PALS1: variants seen among roughly 807,000 people sequenced by gnomAD.
PALS1 encodes protein associated with LIN7 1, MAGUK p55 family member, also known as protein PALS1.
In PALS1, 31 loss-of-function variants were observed where a neutral mutation model predicts 78.9. The ratio of observed to expected loss-of-function variants is 0.39; its 90% CI spans 0.30 to 0.53. PALS1 has a LOEUF of 0.53. Among genes scored for constraint, PALS1 ranks in the 20% least tolerant of loss-of-function variants. PALS1 has a pLI of 0.67. For missense variants in PALS1, 704 were observed against 826.5 expected (o/e 0.85, Z 1.82); for synonymous variants, 276 against 270.9 (o/e 1.02, Z -0.18).
chr14:67,270,145 G>C (rs987542079), intron 2 of PALS1: 1 of 152,118 alleles, frequency 6.6e-6, no homozygotes, highest in Non-Finnish European at 1.5e-5. Flanking sequence ...ACCCTTTTCA[G>C]TGGGTCTGTA....
intron 3 of PALS1, among the ~76,000 whole-genome samples, chr14:67,286,352 C>G (rs1462096067): frequency 1.3e-5 from 2 of 152,154 alleles, no homozygotes; most frequent in African/African-American, 4.8e-5. Context: ...AATTTCTTCT[C>G]TCTGTCCTCT....
intron 2 of PALS1, among the ~76,000 whole-genome samples, chr14:67,277,588 T>C (rs956440460): frequency 5.3e-5 from 8 of 152,104 alleles, no homozygotes; most frequent in Non-Finnish European, 4.4e-5. Flanking sequence ...GTAAATATTA[T>C]TGCTCTTGAG....
In PALS1 at chr14:67,312,536, A is replaced by G; in HGVS notation, c.1051A>G (p.Lys351Glu). ...CCTTTTTATCTTTTAGATCCATGTA[A>G]AAGCTCATTTTGACTATGACCCCTC... ...PPAKETVIHVKAHFDYDPSDD... is the reference protein window; with the variant it reads ...PPAKETVIHVEAHFDYDPSDD... The change falls in exon 9 of 15, where the codon AAA (lysine) becomes GAA (glutamate). Residue 351 changes from lysine to glutamate, a missense_variant. Transcript: ENST00000261681. The G allele has an allele frequency of 1.3e-6, 2 of 1,579,916 alleles. No individual in the cohort carries two copies. The highest frequency in any genetic ancestry group is 1.7e-6 in the Non-Finnish European group (2 of 1,162,008).
rs374329692 is a variant in PALS1 at position 67,296,585 on chromosome 14, C to CAAAA, written c.576+3891_576+3894dup. ...TGGGCAACAGAGTGAAACTCTGTCT[C>CAAAA]AAAAAAAAAAAAAAAAAAAAAAAAA... On this transcript the variant is annotated intron_variant, in intron 4 of 14. Coordinates refer to ENST00000261681, the MANE Select transcript of PALS1 (RefSeq NM_022474.4). Among the ~76,000 whole-genome samples, 181 of 51,000 alleles carry CAAAA rather than the reference C, an allele frequency of 3.5e-3. 9 individuals are homozygous for CAAAA. The highest frequency in any genetic ancestry group is 5.3e-3 in the Non-Finnish European group (81 of 15,396). 33.5% of individuals were successfully genotyped at this position (51,000 alleles called of 152,430 possible). A position where few individuals can be genotyped will look rare whatever the true frequency, so the allele number is the denominator to read the frequency against.
At chr14:67,324,439 A>G (rs570666209) in intron 14 of PALS1, among the ~76,000 whole-genome samples, 16 of 152,192 alleles carry the variant, frequency 1.1e-4, no homozygotes, top group African/African-American at 3.6e-4. Flanking sequence ...TTTTTGCTCC[A>G]TATTTATTAA....
At chr14:67,291,647 C>T (rs554996431) in intron 3 of PALS1, among the ~76,000 whole-genome samples, 59 of 152,286 alleles carry the variant, frequency 3.9e-4, no homozygotes, top group Non-Finnish European at 7.5e-4. Flanking sequence ...TATTTATGCA[C>T]ACTAACAGGC....
At chr14:67,266,813 A>G (rs2084333233) in intron 1 of PALS1, among the ~76,000 whole-genome samples, 1 of 152,146 alleles carries the variant, frequency 6.6e-6, no homozygotes, top group African/African-American at 2.4e-5. Flanking sequence ...ATCTTTTAAA[A>G]AAACTTCGTT....
chr14:67,305,527 C>T (rs1232135244), intron 8 of PALS1, among the ~76,000 whole-genome samples: 3 of 152,188 alleles, frequency 2.0e-5, no homozygotes, highest in Admixed American at 6.5e-5. Context: ...GTGGTCCACC[C>T]GCCTCGGCCT....
At chr14:67,276,111 A>G (rs1358052979) in intron 2 of PALS1, among the ~76,000 whole-genome samples, 1 of 152,110 alleles carries the variant, frequency 6.6e-6, no homozygotes. Flanking sequence ...TTGTGTCTCT[A>G]TCCAATAGGA....
chr14:67,252,591 T>C (rs1054118328), intron 1 of PALS1, among the ~76,000 whole-genome samples: 4 of 152,126 alleles, frequency 2.6e-5, no homozygotes, highest in Non-Finnish European at 4.4e-5. Context: ...AGCCATTAGC[T>C]TGTGGGATCT....
At chr14:67,273,470 G>T (rs905095164) in intron 2 of PALS1, among the ~76,000 whole-genome samples, 14 of 152,142 alleles carry the variant, frequency 9.2e-5, no homozygotes, top group Non-Finnish European at 1.6e-4. Context: ...TTTTATGGCT[G>T]CATAGTATTC....
At chr14:67,290,831 G>C (rs2084760456) in intron 3 of PALS1, among the ~76,000 whole-genome samples, 1 of 152,050 alleles carries the variant, frequency 6.6e-6, no homozygotes, top group Non-Finnish European at 1.5e-5. Context: ...CACTGCGCCT[G>C]GCCAGGAATG....
At chr14:67,257,432 T>A (rs1014663162) in intron 1 of PALS1, among the ~76,000 whole-genome samples, 3 of 152,318 alleles carry the variant, frequency 2.0e-5, no homozygotes, top group Middle Eastern at 3.4e-3. Context: ...AGTTCCCAGC[T>A]TGACTTTTCC....
chr14:67,291,134 A>C (rs1465410751), intron 3 of PALS1, among the ~76,000 whole-genome samples: 1 of 152,190 alleles, frequency 6.6e-6, no homozygotes, highest in Non-Finnish European at 1.5e-5. Flanking sequence ...AGGTAAATGG[A>C]AATATTGGAA....
At chr14:67,263,628 G>A (rs547289351) in intron 1 of PALS1, among the ~76,000 whole-genome samples, 6 of 152,144 alleles carry the variant, frequency 3.9e-5, no homozygotes, top group Non-Finnish European at 8.8e-5. Flanking sequence ...TACAGACTTG[G>A]TGTGTGTTTT....
In PALS1 at chr14:67,312,614, G is replaced by A; in HGVS notation, c.1129G>A (p.Asp377Asn). The change falls in exon 9 of 15, where the codon GAT (aspartate) becomes AAT (asparagine). Residue 377 changes from aspartate to asparagine, a missense_variant. Asp to Asn is a conservative substitution (Grantham distance 23). Coordinates refer to ENST00000261681, the MANE Select transcript of PALS1 (RefSeq NM_022474.4). Reference sequence around the variant, plus strand: ...GTTAGGTCTGTCTTTTCAAAAAGGTGATATACTTCATGTGATCAGTCAAGA... The same window carrying A: ...GTTAGGTCTGTCTTTTCAAAAAGGTAATATACTTCATGTGATCAGTCAAGA... ...RELGLSFQKG[D>N]ILHVISQEDP... 1.2e-6 allele frequency: 2 copies of A among 1,613,820 alleles called. No individual in the cohort carries two copies. The highest frequency in any genetic ancestry group is 8.5e-7 in the Non-Finnish European group (1 of 1,179,858).
intron 4 of PALS1, among the ~76,000 whole-genome samples, chr14:67,298,061 G>A (rs1392795444): frequency 6.6e-6 from 1 of 152,102 alleles, no homozygotes; most frequent in Non-Finnish European, 1.5e-5. Context: ...AAAGGTTAAG[G>A]CATAAGGAAT....
intron 1 of PALS1, among the ~76,000 whole-genome samples, chr14:67,251,356 G>A (rs899081830): frequency 2.0e-5 from 3 of 152,118 alleles, no homozygotes; most frequent in Admixed American, 6.5e-5. Context: ...AACACAGTGG[G>A]ACCCTGTCTC....
At chr14:67,295,502 AC>A (rs1176182523) in intron 4 of PALS1, among the ~76,000 whole-genome samples, 1 of 151,340 alleles carries the variant, frequency 6.6e-6, no homozygotes, top group East Asian at 1.9e-4. Context: ...AAAAAAAAAA[AC>A]TCTTGGAAAT....
Sources: allele counts gnomAD v4.1 joint callset (sites outside exome capture counted in the v4.1 genomes callset), GRCh38; gene constraint gnomAD v4.1.1; transcripts MANE v1.5; gene names NCBI Gene and HGNC (gene_info 2026-07-23, HGNC 2026-07-21).